The following PMS1 variants were observed in gnomAD, a reference collection of about 807,000 sequenced individuals.
The protein encoded by PMS1 is PMS1 homolog 1, mismatch repair system component.
Under a neutral mutation model 93.1 loss-of-function variants are expected in PMS1, and 79 were observed. The observed-to-expected ratio is 0.85, with a 90% CI of 0.71 to 1.02. The LOEUF is 1.02. PMS1 is among the 50% of genes least tolerant of loss of function. PMS1 has a pLI of 0.00. For synonymous variants in PMS1, 335 were observed against 363.4 expected (o/e 0.92, Z 0.89); for missense variants, 1,064 against 1,085.3 (o/e 0.98, Z 0.28).
intron 4 of PMS1, among the ~76,000 whole-genome samples, chr2:189,816,230 G>A (rs2051286406): frequency 6.6e-6 from 1 of 152,194 alleles, no homozygotes; most frequent in South Asian, 2.1e-4. Flanking sequence ...CATTTGGTTA[G>A]AGTTTATCTT....
chr2:189,872,885 C>T (rs1206107803), intron 11 of PMS1, among the ~76,000 whole-genome samples: 3 of 152,134 alleles, frequency 2.0e-5, no homozygotes, highest in South Asian at 2.1e-4. Flanking sequence ...CTGCCTGCCT[C>T]GGCCTCCCAA....
At chr2:189,827,605 A>G (rs549696531) in intron 5 of PMS1, among the ~76,000 whole-genome samples, 1 of 151,934 alleles carries the variant, frequency 6.6e-6, no homozygotes, top group African/African-American at 2.4e-5. Context: ...CAAATGATGA[A>G]TGGATAAAGA....
chr2:189,784,651 C>T (rs976075761), intron 1 of PMS1, 58 bp downstream of exon 1: 1 of 152,452 alleles, frequency 6.6e-6, no homozygotes, highest in Non-Finnish European at 1.5e-5. Context: ...AGGGCCCCGT[C>T]CCCTCTACTC....
rs371545006 is a variant in PMS1, at chr2:189,875,747, G to T, written c.2635-1525G>T. Among the ~76,000 whole-genome samples, 176 of 152,172 alleles carry T rather than the reference G, an allele frequency of 1.2e-3. No individual in the cohort carries two copies. The Middle Eastern group carries it at 0.031, about 26-fold the overall frequency. ...GTGAGTGAATCACCTGAGATCAGGAGTTTGAGACTAGCCTGGCCAACATGG... is the reference window on the plus strand; with the variant it reads ...GTGAGTGAATCACCTGAGATCAGGATTTTGAGACTAGCCTGGCCAACATGG... On this transcript the variant is annotated intron_variant, in intron 12 of 12. Coordinates refer to ENST00000441310, the MANE Select transcript of PMS1 (RefSeq NM_000534.5).
intron 10 of PMS1, 112 bp from the exon 11 acceptor site, chr2:189,867,687 A>G (rs1290697202): frequency 1.4e-6 from 1 of 722,912 alleles, no homozygotes; most frequent in Non-Finnish European, 2.4e-6. Flanking sequence ...ATACCTTTGT[A>G]TTTTGGTTAA....
At chr2:189,866,554 A>T (rs2056675475) in intron 10 of PMS1, among the ~76,000 whole-genome samples, 1 of 152,194 alleles carries the variant, frequency 6.6e-6, no homozygotes, top group Admixed American at 6.5e-5. Context: ...TTCTTGCCAG[A>T]GTTCTAATGC....
At chr2:189,814,499 A>G in intron 4 of PMS1, among the ~76,000 whole-genome samples, 1 of 143,836 alleles carries the variant, frequency 7.0e-6, no homozygotes, top group East Asian at 2.0e-4. Flanking sequence ...AAAAATTGCA[A>G]GTACTATGTG....
intron 11 of PMS1, among the ~76,000 whole-genome samples, chr2:189,872,776 G>A (rs1202270583): frequency 6.6e-6 from 1 of 152,066 alleles, no homozygotes; most frequent in Non-Finnish European, 1.5e-5. Flanking sequence ...GGGACTACAG[G>A]CACGTACCAC....
At chr2:189,816,340 A>G (rs1376669321) in intron 4 of PMS1, among the ~76,000 whole-genome samples, 10 of 152,012 alleles carry the variant, frequency 6.6e-5, no homozygotes, top group Non-Finnish European at 1.5e-4. Context: ...ACTGGGTGTC[A>G]ATTTCTTAAT....
chr2:189,815,549 C>A (rs530123595), intron 4 of PMS1, among the ~76,000 whole-genome samples: 1 of 152,128 alleles, frequency 6.6e-6, no homozygotes, highest in African/African-American at 2.4e-5. Context: ...TCTCTCATGC[C>A]GCCTTGTGAA....
intron 12 of PMS1, among the ~76,000 whole-genome samples, chr2:189,874,293 G>C (rs5743188): frequency 1.6e-3 from 245 of 152,136 alleles, no homozygotes; most frequent in African/African-American, 5.8e-3. Flanking sequence ...TTAAACTAAT[G>C]CTACCTTTAT....
chr2:189,807,846 A>G (rs2050482693), intron 4 of PMS1, among the ~76,000 whole-genome samples: 1 of 152,256 alleles, frequency 6.6e-6, no homozygotes. Flanking sequence ...TACTTAGAAG[A>G]TCAGTAGTTG....
chr2:189,799,794 A>G (rs1046180617), intron 3 of PMS1, among the ~76,000 whole-genome samples: 5 of 152,204 alleles, frequency 3.3e-5, no homozygotes, highest in African/African-American at 9.7e-5. Flanking sequence ...CAAGTCATGC[A>G]GGGCAACCTG....
Position 189,854,431 on chromosome 2 carries a change from G to C in PMS1, c.1159G>C (p.Val387Leu), listed in dbSNP as rs1288776103. The C allele has an allele frequency of 1.2e-6, 2 of 1,608,996 alleles. No individual in the cohort carries two copies. The highest frequency in any genetic ancestry group is 4.5e-5 in the East Asian group (2 of 44,764). The change falls in exon 9 of 13, where the codon GTC (valine) becomes CTC (leucine). Residue 387 changes from valine to leucine, a missense_variant. Coordinates refer to ENST00000441310, the MANE Select transcript of PMS1 (RefSeq NM_000534.5). ...GKNYSNVDTS[V>L]IPFQNDMHND... The stretch of plus-strand genomic sequence containing the variant: ...GAATTATTCAAATGTTGATACTTCA[G>C]TCATTCCATTCCAAAATGATATGCA...
At chr2:189,834,463 C>G (rs1382755112) in intron 5 of PMS1, among the ~76,000 whole-genome samples, 1 of 152,106 alleles carries the variant, frequency 6.6e-6, no homozygotes, top group East Asian at 1.9e-4. Flanking sequence ...TAAGATAATT[C>G]TCATTGCAGT....
Position 189,854,451 on chromosome 2 carries a change from T to TA in PMS1, c.1180dup (p.Met394AsnfsTer3). 1 of 1,611,624 alleles carries TA rather than the reference T, an allele frequency of 6.2e-7. No homozygotes were observed. Among genetic ancestry groups the TA allele is most frequent in the Non-Finnish European group, 8.5e-7 (1 of 1,178,100 alleles). On this transcript the variant is annotated frameshift_variant, in exon 9 of 13. Coordinates refer to ENST00000441310, the MANE Select transcript of PMS1 (RefSeq NM_000534.5). LOFTEE classifies it high-confidence loss of function. ...CTTCAGTCATTCCATTCCAAAATGATATGCATAATGATGAATCTGGAAAAA... is the reference window on the plus strand; with the variant it reads ...CTTCAGTCATTCCATTCCAAAATGATAATGCATAATGATGAATCTGGAAAAA...
At chr2:189,838,904 A>G (rs1046968325) in intron 5 of PMS1, among the ~76,000 whole-genome samples, 11 of 152,192 alleles carry the variant, frequency 7.2e-5, no homozygotes, top group African/African-American at 2.7e-4. Flanking sequence ...CAGGTCACCT[A>G]TCGGAATATT....
intron 1 of PMS1, among the ~76,000 whole-genome samples, chr2:189,791,154 A>G (rs918785474): frequency 1.3e-5 from 2 of 151,718 alleles, no homozygotes; most frequent in Non-Finnish European, 2.9e-5. Flanking sequence ...ATAGGCATTT[A>G]TATGTATTCA....
Position 189,864,229 on chromosome 2 carries a change from G to A in PMS1, c.2342+1G>A. On this transcript the variant is annotated splice_donor_variant, in intron 10 of 12. Transcript: ENST00000441310. LOFTEE classifies it high-confidence loss of function. Reference sequence around the variant, plus strand: ...AAAAGCCAATTATGTTAACAGAGAGGTATGATGATACAATACTTTTTAAGA... The same window carrying A: ...AAAAGCCAATTATGTTAACAGAGAGATATGATGATACAATACTTTTTAAGA... 1.3e-6 allele frequency: 2 copies of A among 1,583,986 alleles called. No individual in the cohort carries two copies. Among genetic ancestry groups the A allele is most frequent in the Non-Finnish European group, 1.7e-6 (2 of 1,153,472 alleles).
Sources: gnomAD v4.1 joint callset for allele counts (sites outside exome capture counted in the v4.1 genomes callset) on GRCh38, gnomAD v4.1.1 for gene constraint, MANE v1.5 for transcripts, NCBI Gene and HGNC (gene_info 2026-07-23, HGNC 2026-07-21) for gene names.